Variants in MRPL54 observed in about 807,000 individuals in gnomAD.
MRPL54 encodes large ribosomal subunit protein mL54.
A neutral mutation model predicts 15.6 loss-of-function variants in MRPL54; 12 were observed. The ratio of observed to expected loss-of-function variants is 0.77; its 90% confidence interval spans 0.49 to 1.24. MRPL54 has a LOEUF of 1.24. Ranked by LOEUF, MRPL54 falls within the 50% of genes most tolerant of loss-of-function variation. MRPL54 has a pLI of 0.00. For synonymous variants in MRPL54, 91 were observed against 75.7 expected, an observed-to-expected ratio of 1.20 and a Z score of -1.05; for missense variants, 178 against 186.8, an observed-to-expected ratio of 0.95 and a Z score of 0.28.
At position 3,765,305 on chromosome 19, in the gene MRPL54, G is replaced by A. The variant is rs1201653651; in HGVS notation, c.258G>A (p.Leu86=). 1 of 1,613,902 alleles carries A rather than the reference G, an allele frequency of 6.2e-7. No individual in the cohort carries two copies. Residue 86 remains leucine, a synonymous_variant, in exon 2 of 3, where the codon CTG becomes CTA. Transcript: ENST00000330133. ...NIYKEGQDVP[L]KPDAEYPEWL... The stretch of plus-strand genomic sequence containing the variant: ...ACAAGGAAGGGCAGGATGTACCCCT[G>A]AAACCGGATGCTGAGTACCCTGAAT...
Position 3,767,301 on chromosome 19 carries a change from G to A in MRPL54, c.325G>A (p.Glu109Lys), listed in dbSNP as rs761211571. ...CTTGGGTCCCCCAAAGACCCTGGAG[G>A]AGCTGGACCCCGAGAGCCGGGAGTA... ...MNLGPPKTLE[E>K]LDPESREYWR... The change falls in exon 3 of 3, where the codon GAG (glutamate) becomes AAG (lysine). Residue 109 changes from glutamate to lysine, a missense_variant. By Grantham distance (56) the Glu-to-Lys change is moderately conservative. Coordinates refer to ENST00000330133, the MANE Select transcript of MRPL54 (RefSeq NM_172251.3). 2 of 1,612,702 alleles carry A rather than the reference G, an allele frequency of 1.2e-6. No individual in the cohort carries two copies.
Position 3,767,367 on chromosome 19 carries a change from C to T in MRPL54, c.391C>T (p.Arg131Trp), listed in dbSNP as rs754739624. The change falls in exon 3 of 3, where the codon CGG becomes TGG. Residue 131 changes from arginine to tryptophan, a missense_variant. Arg to Trp is a moderately radical substitution (Grantham distance 101). Coordinates refer to ENST00000330133, the MANE Select transcript of MRPL54 (RefSeq NM_172251.3). Reference protein sequence around the residue: ...LRKQNIWRHNRLSKNKRL With the variant: ...LRKQNIWRHNWLSKNKRL ...GAAACAGAACATCTGGCGCCACAAC[C>T]GGCTGAGCAAGAACAAGAGGTTGTA... 1.8e-5 allele frequency: 29 copies of T among 1,610,306 alleles called. No individual in the cohort carries two copies. The highest frequency in any genetic ancestry group is 9.0e-5 in the East Asian group (4 of 44,356).
Position 3,767,416 on chromosome 19 carries a change from A to G in MRPL54, c.*23A>G. On this transcript the variant is annotated 3_prime_UTR_variant, in exon 3 of 3. Transcript: ENST00000330133. The stretch of plus-strand genomic sequence containing the variant: ...TAGCATGGAGGGCCCGGCATCGCTG[A>G]CCCCCACGCCGAGGGCTTGCCGTTT... 6.2e-7 allele frequency: 1 copy of G among 1,601,536 alleles called. No homozygotes were observed. Among genetic ancestry groups the G allele is most frequent in the East Asian group, 2.3e-5 (1 of 43,738 alleles).
Position 3,767,445 on chromosome 19 carries a change from C to T in MRPL54, c.*52C>T, listed in dbSNP as rs753256136. 7.6e-5 allele frequency: 121 copies of T among 1,590,656 alleles called. 1 individual carries two copies. The Admixed American group carries it at 1.6e-3, about 20-fold the overall frequency. On this transcript the variant is annotated 3_prime_UTR_variant, in exon 3 of 3. Coordinates refer to ENST00000330133, the MANE Select transcript of MRPL54 (RefSeq NM_172251.3). ...CCACGCCGAGGGCTTGCCGTTTTCC[C>T]GGAGGACGTGGACTTTTGTGAGACA...
intron 1 of MRPL54, among the ~76,000 whole-genome samples, chr19:3,764,511 G>C: frequency 6.8e-6 from 1 of 148,134 alleles, no homozygotes; most frequent in South Asian, 2.1e-4. Flanking sequence ...GGGTTCAAGT[G>C]ATTCTCCTGC....
At chr19:3,765,769 A>G (rs997130550) in intron 2 of MRPL54, among the ~76,000 whole-genome samples, 4 of 151,596 alleles carry the variant, frequency 2.6e-5, no homozygotes, top group Non-Finnish European at 5.9e-5. Context: ...GTGGTGGCAC[A>G]TTCCTGTAGT....
intron 1 of MRPL54, 31 bp from the exon 2 acceptor site, chr19:3,765,135 G>A (rs1204020360): frequency 6.3e-7 from 1 of 1,587,072 alleles, no homozygotes; most frequent in Non-Finnish European, 8.6e-7. Flanking sequence ...GAGGGGCTGG[G>A]CTGAAATGAC....
At chr19:3,765,064 TC>T (rs2037186051) in intron 1 of MRPL54, 101 bp from the exon 2 acceptor site, 1 of 1,199,042 alleles carries the variant, frequency 8.3e-7, no homozygotes, top group South Asian at 1.6e-5. Flanking sequence ...TGTAGCAGAG[TC>T]CAGCCAGGGG....
At position 3,765,209 on chromosome 19, in the gene MRPL54, G is replaced by A. The variant is rs140430522; in HGVS notation, c.162G>A (p.Glu54=). 5.4e-5 allele frequency: 87 copies of A among 1,613,482 alleles called. No homozygotes were observed. In the African/African-American group the frequency reaches 1.0e-3, roughly 19 times the overall value. ...AKSGKGAVTS[E]ALKDPDVCTD... ...CGGGAAAAGGTGCAGTGACCAGCGA[G>A]GCCCTCAAGGACCCCGACGTATGCA... The change falls in exon 2 of 3, where the codon GAG becomes GAA. Residue 54 remains glutamate (E), a synonymous_variant. Coordinates refer to ENST00000330133, the MANE Select transcript of MRPL54 (RefSeq NM_172251.3).
Position 3,765,033 on chromosome 19 carries a change from A to G in MRPL54, c.119-133A>G, listed in dbSNP as rs570951494. ...CAGAGCGAGACTCCGTCTCAAAAAA[A>G]AAAAAAAAGAAAGTTTTGAGTGTAG... On this transcript the variant is annotated intron_variant, in intron 1 of 2. Coordinates refer to ENST00000330133, the MANE Select transcript of MRPL54 (RefSeq NM_172251.3). The G allele has an allele frequency of 3.1e-5, 30 of 980,040 alleles. No homozygotes were observed. The South Asian group carries it at 5.6e-4, about 18-fold the overall frequency. 60.7% of individuals were successfully genotyped at this position (980,040 alleles called of 1,614,324 possible).
intron 1 of MRPL54, 35 bp downstream of exon 1, chr19:3,762,853 T>A: frequency 6.8e-7 from 1 of 1,476,838 alleles, no homozygotes; most frequent in Admixed American, 2.1e-5. Flanking sequence ...ATGGGGACGG[T>A]GGGTGCACTG....
chr19:3,762,854 G>A, intron 1 of MRPL54, 36 bp downstream of exon 1: 1 of 1,477,414 alleles, frequency 6.8e-7, no homozygotes, highest in Non-Finnish European at 9.2e-7. Context: ...TGGGGACGGT[G>A]GGTGCACTGA....
At chr19:3,762,937 G>C in intron 1 of MRPL54, 119 bp downstream of exon 1, 2 of 855,064 alleles carry the variant, frequency 2.3e-6, no homozygotes, top group Middle Eastern at 4.8e-4. Flanking sequence ...AGAGGCGGAT[G>C]CCAGGCTGTA....
rs775614996 is a variant in MRPL54, at chr19:3,767,350, A to C, written c.374A>C (p.Asn125Thr). The stretch of plus-strand genomic sequence containing the variant: ...TACTGGCGGCGGCTGCGGAAACAGA[A>C]CATCTGGCGCCACAACCGGCTGAGC... The part of the protein sequence containing the change: ...REYWRRLRKQ[N>T]IWRHNRLSKN... Residue 125 changes from asparagine (N) to threonine (T), a missense_variant, in exon 3 of 3, where the codon AAC becomes ACC. Asn to Thr is a moderately conservative substitution (Grantham distance 65, BLOSUM62 0). Transcript: ENST00000330133. 1 of 1,610,804 alleles carries C rather than the reference A, an allele frequency of 6.2e-7. No homozygotes were observed. Among genetic ancestry groups the C allele is most frequent in the African/African-American group, 1.3e-5 (1 of 74,700 alleles).
At chr19:3,766,163 A>G (rs1206387717) in intron 2 of MRPL54, among the ~76,000 whole-genome samples, 1 of 143,416 alleles carries the variant, frequency 7.0e-6, no homozygotes, top group Non-Finnish European at 1.5e-5. Flanking sequence ...TGCAACCTCC[A>G]CCTCCCAGTG....
chr19:3,763,807 G>A (rs989458030), intron 1 of MRPL54, among the ~76,000 whole-genome samples: 5 of 152,008 alleles, frequency 3.3e-5, no homozygotes, highest in African/African-American at 1.2e-4. Context: ...AGCTACTCAG[G>A]AGGCTGAGGC....
At position 3,767,339 on chromosome 19, in the gene MRPL54, G is replaced by A; in HGVS notation, c.363G>A (p.Leu121=). 6.2e-7 allele frequency: 1 copy of A among 1,610,686 alleles called. No homozygotes were observed. The highest frequency in any genetic ancestry group is 8.5e-7 in the Non-Finnish European group (1 of 1,178,798). ...DPESREYWRR[L]RKQNIWRHNR... ...AGAGCCGGGAGTACTGGCGGCGGCT[G>A]CGGAAACAGAACATCTGGCGCCACA... The change falls in exon 3 of 3, where the codon CTG becomes CTA. Residue 121 remains leucine, a synonymous_variant. Coordinates refer to ENST00000330133, the MANE Select transcript of MRPL54 (RefSeq NM_172251.3).
intron 1 of MRPL54, among the ~76,000 whole-genome samples, chr19:3,763,539 C>G (rs1363853721): frequency 6.6e-6 from 1 of 151,772 alleles, no homozygotes; most frequent in Non-Finnish European, 1.5e-5. Context: ...CTTTGGGAAG[C>G]CAAGGAGGGA....
At chr19:3,766,756 G>A (rs968746809) in intron 2 of MRPL54, among the ~76,000 whole-genome samples, 3 of 152,224 alleles carry the variant, frequency 2.0e-5, no homozygotes, top group Admixed American at 1.3e-4. Flanking sequence ...AGCCAAGACG[G>A]GAGTGGGTGG....
Sources: allele counts gnomAD v4.1 joint callset (sites outside exome capture counted in the v4.1 genomes callset), GRCh38; gene constraint gnomAD v4.1.1; transcripts MANE v1.5; gene names NCBI Gene and HGNC (gene_info 2026-07-23, HGNC 2026-07-21).